The following C1QTNF7 variants were observed in gnomAD, a reference collection of about 807,000 sequenced individuals.
C1QTNF7 encodes the protein complement C1q tumor necrosis factor-related protein 7.
Under a neutral mutation model 19.6 loss-of-function variants are expected in C1QTNF7, and 15 were observed. The ratio of observed to expected loss-of-function variants is 0.76; its 90% CI spans 0.51 to 1.18. The LOEUF is 1.18. Among genes scored for constraint, C1QTNF7 ranks in the 50% most tolerant of loss-of-function variants. The pLI, the probability that C1QTNF7 is intolerant of heterozygous loss-of-function variation, is 0.00. For synonymous variants in C1QTNF7, 142 were observed against 137.5 expected (o/e 1.03, Z -0.23); for missense variants, 324 against 359.7 (o/e 0.90, Z 0.80).
chr4:15,429,265 T>C (rs1712196608), intron 1 of C1QTNF7, among the ~76,000 whole-genome samples: 1 of 152,218 alleles, frequency 6.6e-6, no homozygotes, highest in Admixed American at 6.5e-5. Flanking sequence ...CAACCATTCT[T>C]ATGTGTACGG....
rs112482044 is a variant in C1QTNF7 at position 15,340,713 on chromosome 4, A to C, written c.13+506A>C. On this transcript the variant is annotated intron_variant, in intron 1 of 2. Coordinates refer to the C1QTNF7 transcript ENST00000295297. ...CTTGTTTTGCAGAATATATTTTTAAAAGTTAAATAAATCATTTGTCTTTTC... is the reference window on the plus strand; with the variant it reads ...CTTGTTTTGCAGAATATATTTTTAACAGTTAAATAAATCATTTGTCTTTTC... Among the ~76,000 whole-genome samples, 95 of 152,306 alleles carry C rather than the reference A, an allele frequency of 6.2e-4. 1 individual carries two copies. Among genetic ancestry groups the C allele is most frequent in the African/African-American group, 2.2e-3 (92 of 41,576 alleles).
chr4:15,383,395 A>G (rs1188492074), intron 1 of C1QTNF7, among the ~76,000 whole-genome samples: 1 of 152,186 alleles, frequency 6.6e-6, no homozygotes, highest in African/African-American at 2.4e-5. Flanking sequence ...TTTCCTAGAA[A>G]TGCCCTCCTG....
At chr4:15,415,355 T>G (rs1298586424) in intron 1 of C1QTNF7, among the ~76,000 whole-genome samples, 2 of 152,198 alleles carry the variant, frequency 1.3e-5, no homozygotes, top group Non-Finnish European at 2.9e-5. Flanking sequence ...TATCAATTAT[T>G]TATTTCTTTA....
chr4:15,365,767 T>C (rs185563865), intron 1 of C1QTNF7, among the ~76,000 whole-genome samples: 2 of 152,308 alleles, frequency 1.3e-5, no homozygotes, highest in Admixed American at 6.5e-5. Flanking sequence ...AGATGACCAA[T>C]GATAGGCTTC....
chr4:15,378,549 T>A (rs1232087632), intron 1 of C1QTNF7, among the ~76,000 whole-genome samples: 1 of 152,228 alleles, frequency 6.6e-6, no homozygotes, highest in Non-Finnish European at 1.5e-5. Context: ...CCTAAGTGAA[T>A]GAAGATTAAT....
intron 1 of C1QTNF7, among the ~76,000 whole-genome samples, chr4:15,364,915 CTT>C (rs1412383125): frequency 6.6e-6 from 1 of 152,064 alleles, no homozygotes; most frequent in Admixed American, 6.5e-5. Flanking sequence ...TAAATAATCT[CTT>C]TTTTTGTGAG....
chr4:15,364,488 A>G (rs1717442378), intron 1 of C1QTNF7, among the ~76,000 whole-genome samples: 1 of 152,206 alleles, frequency 6.6e-6, no homozygotes, highest in South Asian at 2.1e-4. Context: ...GCCTGCCACC[A>G]TGTAGATGGG....
intron 1 of C1QTNF7, among the ~76,000 whole-genome samples, chr4:15,381,421 CA>C (rs11308911): frequency 0.094 from 11,847 of 126,488 alleles, 1,472 homozygotes; most frequent in African/African-American, 0.3. Context: ...GACTCCATCT[CA>C]AAAAAAAAAA....
intron 2 of C1QTNF7, 147 bp downstream of exon 2, chr4:15,436,128 C>A: frequency 2.7e-6 from 3 of 1,108,716 alleles, no homozygotes; most frequent in South Asian, 1.7e-5. Context: ...CCTTACTAGG[C>A]TTCAGATGCT....
At chr4:15,392,773 GA>G (rs1377068509) in intron 1 of C1QTNF7, among the ~76,000 whole-genome samples, 12 of 152,176 alleles carry the variant, frequency 7.9e-5, no homozygotes, top group Admixed American at 2.6e-4. Flanking sequence ...TTATGATATA[GA>G]AAGGGGCAAC....
intron 1 of C1QTNF7, among the ~76,000 whole-genome samples, chr4:15,354,622 G>T (rs1282003375): frequency 1.3e-5 from 2 of 152,130 alleles, no homozygotes; most frequent in East Asian, 3.9e-4. Context: ...GGTTCACATT[G>T]GATGGTCTAA....
chr4:15,340,366 G>T (rs567188732), intron 1 of C1QTNF7, among the ~76,000 whole-genome samples: 163 of 152,232 alleles, frequency 1.1e-3, no homozygotes, highest in African/African-American at 3.6e-3. Context: ...GAAAACCTCC[G>T]CAGGAGAGCG....
chr4:15,415,714 C>T (rs144665073), intron 1 of C1QTNF7, among the ~76,000 whole-genome samples: 1,583 of 152,068 alleles, frequency 0.01, 9 homozygotes, highest in Non-Finnish European at 0.016. Context: ...ACTCTGGCCT[C>T]CCAAATTGCT....
chr4:15,415,965 C>CA (rs1719590821), intron 1 of C1QTNF7, among the ~76,000 whole-genome samples: 1 of 152,062 alleles, frequency 6.6e-6, no homozygotes, highest in Non-Finnish European at 1.5e-5. Flanking sequence ...TTTATAACAT[C>CA]AAAAAATGTT....
intron 1 of C1QTNF7, among the ~76,000 whole-genome samples, chr4:15,430,858 A>G (rs544205784): frequency 1.3e-5 from 2 of 152,342 alleles, no homozygotes; most frequent in East Asian, 3.9e-4. Context: ...GAAACAAAAA[A>G]ATTGAAAGAA....
Position 15,402,232 on chromosome 4 carries a change from A to C in C1QTNF7, c.14-33504A>C, listed in dbSNP as rs906504242. Among the ~76,000 whole-genome samples the C allele has an allele frequency of 2.0e-5, 3 of 152,230 alleles. No individual in the cohort carries two copies. In the South Asian group the frequency reaches 6.2e-4, roughly 32 times the overall value. On this transcript the variant is annotated intron_variant, in intron 1 of 2. Transcript: ENST00000295297. ...AGCAGAGCAACCTCTACCAAGTTCTAAGGGGACAAGGTGACCCAAGAGGTT... is the reference window on the plus strand; with the variant it reads ...AGCAGAGCAACCTCTACCAAGTTCTCAGGGGACAAGGTGACCCAAGAGGTT...
chr4:15,402,147 T>A (rs1402395189), intron 1 of C1QTNF7, among the ~76,000 whole-genome samples: 4 of 152,166 alleles, frequency 2.6e-5, no homozygotes, highest in Non-Finnish European at 5.9e-5. Context: ...AGAACAGATA[T>A]CACAAGCGGA....
intron 1 of C1QTNF7, among the ~76,000 whole-genome samples, chr4:15,432,269 C>A (rs1030387825): frequency 7.2e-5 from 11 of 152,150 alleles, no homozygotes; most frequent in Admixed American, 6.5e-4. Context: ...ACAGCGTGAT[C>A]CCACTGTGAT....
chr4:15,358,935 G>T (rs547470511), intron 1 of C1QTNF7, among the ~76,000 whole-genome samples: 183 of 152,262 alleles, frequency 1.2e-3, no homozygotes, highest in African/African-American at 4.2e-3. Context: ...TCCCAGGCAT[G>T]GCAGTTGATG....
Sources: allele counts gnomAD v4.1 joint callset (sites outside exome capture counted in the v4.1 genomes callset), GRCh38; gene constraint gnomAD v4.1.1; transcripts MANE v1.5; gene names NCBI Gene and HGNC (gene_info 2026-07-23, HGNC 2026-07-21).